The following PCDHA12 variants were observed in gnomAD, a reference collection of about 807,000 sequenced individuals.
The protein encoded by PCDHA12 is protocadherin alpha-12.
A neutral mutation model predicts 60.0 loss-of-function variants in PCDHA12; 44 were observed. That is an observed-to-expected ratio of 0.73 (90% CI 0.58 to 0.94). The LOEUF (loss-of-function observed/expected upper bound fraction) is 0.94, where lower values mean the gene tolerates loss of function less well. PCDHA12 is among the 40% of genes least tolerant of loss of function. PCDHA12 has a pLI of 0.00. For missense variants in PCDHA12, 1,276 were observed against 1,239.7 expected (o/e 1.03, Z -0.44); for synonymous variants, 569 against 553.0 (o/e 1.03, Z -0.40).
In PCDHA12 at chr5:140,894,992, T is replaced by C. The variant is rs78280553; in HGVS notation, c.2367+17153T>C. Among the ~76,000 whole-genome samples, 440 of 152,300 alleles carry C rather than the reference T, an allele frequency of 2.9e-3. 1 individual carries two copies. The highest frequency in any genetic ancestry group is 0.01 in the African/African-American group (421 of 41,556). On this transcript the variant is annotated intron_variant, in intron 1 of 3. Transcript: ENST00000398631. ...TAATGTCTTACTTTGTGACATCCTT[T>C]ACCCTTTTTACTTGGACCTTTTTCC...
At position 140,884,506 on chromosome 5, in the gene PCDHA12, G is replaced by C. The variant is rs10076265; in HGVS notation, c.2367+6667G>C. 4,595 of 1,614,168 alleles carry C rather than the reference G, an allele frequency of 2.8e-3. 101 individuals are homozygous for C. In the African/African-American group the frequency reaches 0.053, roughly 19 times the overall value. On this transcript the variant is annotated intron_variant, in intron 1 of 3. Coordinates refer to ENST00000398631, the MANE Select transcript of PCDHA12 (RefSeq NM_018903.4). Reference sequence around the variant, plus strand: ...CTCTAGTGTGCTCCAGCGCGGCAGGGAGTTGGTCGTACTCGCAGCAGAGGC... The same window carrying C: ...CTCTAGTGTGCTCCAGCGCGGCAGGCAGTTGGTCGTACTCGCAGCAGAGGC...
chr5:140,909,454 C>G (rs1317276726), intron 1 of PCDHA12, among the ~76,000 whole-genome samples: 2 of 152,190 alleles, frequency 1.3e-5, no homozygotes, highest in African/African-American at 4.8e-5. Flanking sequence ...TCTCCAAGAT[C>G]CATCTGTCTT....
At chr5:140,920,329 G>A (rs556077448) in intron 1 of PCDHA12, among the ~76,000 whole-genome samples, 8 of 152,080 alleles carry the variant, frequency 5.3e-5, no homozygotes, top group South Asian at 4.2e-4. Flanking sequence ...TATATTTATG[G>A]CATTTCTTAT....
chr5:140,920,853 A>G (rs375783359), intron 1 of PCDHA12, among the ~76,000 whole-genome samples: 2 of 152,062 alleles, frequency 1.3e-5, no homozygotes, highest in Non-Finnish European at 2.9e-5. Context: ...AAAAAAAAAA[A>G]AAAAACAAAC....
intron 1 of PCDHA12, among the ~76,000 whole-genome samples, chr5:140,973,059 A>G (rs2096570291): frequency 6.6e-6 from 1 of 152,062 alleles, no homozygotes; most frequent in African/African-American, 2.4e-5. Context: ...TTTGTCCAAC[A>G]GTGTCTCAGT....
intron 1 of PCDHA12, among the ~76,000 whole-genome samples, chr5:140,909,217 C>T (rs2074379679): frequency 6.6e-6 from 1 of 152,106 alleles, no homozygotes; most frequent in Non-Finnish European, 1.5e-5. Context: ...GTTGATATAC[C>T]CCTGAGGTAG....
In PCDHA12 at chr5:140,876,419, A is replaced by G. The variant is rs2056334313; in HGVS notation, c.947A>G (p.Tyr316Cys). The change falls in exon 1 of 4, where the codon TAT (tyrosine) becomes TGT (cysteine). Residue 316 changes from tyrosine to cysteine, a missense_variant. Tyr to Cys is a radical substitution (Grantham distance 194). Coordinates refer to ENST00000398631, the MANE Select transcript of PCDHA12 (RefSeq NM_018903.4). Reference sequence around the variant, plus strand: ...CTGGATTTTGAAGAGAATAATGCCTATGAAATTCAGGTTAACGCCATTGAT... The same window carrying G: ...CTGGATTTTGAAGAGAATAATGCCTGTGAAATTCAGGTTAACGCCATTGAT... ...GELDFEENNA[Y>C]EIQVNAIDKG... 2.5e-6 allele frequency: 4 copies of G among 1,613,984 alleles called. No homozygotes were observed. In the East Asian group the frequency reaches 6.7e-5, roughly 27 times the overall value.
At chr5:140,907,179 G>A (rs1257591299) in intron 1 of PCDHA12, among the ~76,000 whole-genome samples, 2 of 152,160 alleles carry the variant, frequency 1.3e-5, no homozygotes, top group Non-Finnish European at 2.9e-5. Flanking sequence ...CTGATTCAGA[G>A]CATACACAAC....
At chr5:140,902,560 G>T (rs558432897) in intron 1 of PCDHA12, among the ~76,000 whole-genome samples, 9 of 152,072 alleles carry the variant, frequency 5.9e-5, no homozygotes, top group Non-Finnish European at 1.2e-4. Flanking sequence ...CCAGATTTTT[G>T]AGGGTTTTTA....
intron 1 of PCDHA12, among the ~76,000 whole-genome samples, chr5:140,897,340 C>A (rs1326802877): frequency 8.1e-6 from 1 of 122,842 alleles, no homozygotes; most frequent in African/African-American, 3.1e-5. Context: ...CCCCTCCCCC[C>A]ACCCCACAAC....
intron 3 of PCDHA12, among the ~76,000 whole-genome samples, chr5:141,007,135 C>G (rs1183279253): frequency 2.6e-5 from 4 of 152,074 alleles, no homozygotes; most frequent in Non-Finnish European, 5.9e-5. Context: ...GATGAGGAGA[C>G]TGACAAAGGA....
At chr5:140,899,980 T>TG (rs1202261789) in intron 1 of PCDHA12, among the ~76,000 whole-genome samples, 49 of 152,074 alleles carry the variant, frequency 3.2e-4, no homozygotes, top group African/African-American at 1.1e-3. Flanking sequence ...GCTACTTTTT[T>TG]GATTTTTTTT....
chr5:140,934,239 T>C (rs2089722399), intron 1 of PCDHA12, among the ~76,000 whole-genome samples: 1 of 152,146 alleles, frequency 6.6e-6, no homozygotes, highest in Non-Finnish European at 1.5e-5. Context: ...TACTTAATTG[T>C]GGAGATTTAT....
intron 1 of PCDHA12, among the ~76,000 whole-genome samples, chr5:140,917,338 G>GGTGGGGGGGGGGGGGGGGGGC (rs2078134893): frequency 7.3e-6 from 1 of 137,894 alleles, no homozygotes; most frequent in Non-Finnish European, 1.6e-5. Flanking sequence ...GGAGGGGGGG[G>GGTGGGGGGGGGGGGGGGGGGC]ATGGTGTAGG....
chr5:141,009,889 G>A lies in PCDHA12; in HGVS notation c.2778G>A (p.Gln926=). ...KKKKKKGNKT[Q]EKKEKGNSTT... is the part of the protein sequence containing the mutation. ...AAAAGAAGAAGGGTAACAAGACCCAGGAGAAAAAAGAGAAAGGGAACAGCA... is the reference window on the plus strand; with the variant it reads ...AAAAGAAGAAGGGTAACAAGACCCAAGAGAAAAAAGAGAAAGGGAACAGCA... Residue 926 remains glutamine, a synonymous_variant, in exon 4 of 4, where the codon CAG becomes CAA. Transcript: ENST00000398631. 6.2e-7 allele frequency: 1 copy of A among 1,612,866 alleles called. No homozygotes were observed. Among genetic ancestry groups the A allele is most frequent in the South Asian group, 1.1e-5 (1 of 90,852 alleles).
chr5:141,008,265 G>C (rs748504708), intron 3 of PCDHA12, among the ~76,000 whole-genome samples: 4 of 152,200 alleles, frequency 2.6e-5, no homozygotes, highest in Admixed American at 6.5e-5. Flanking sequence ...AGACTGAGAA[G>C]TAATAGGAAA....
In PCDHA12 at chr5:141,010,490, A is replaced by C; in HGVS notation, c.*553A>C. 1.6e-6 allele frequency: 1 copy of C among 640,034 alleles called. No individual in the cohort carries two copies. The highest frequency in any genetic ancestry group is 2.4e-6 in the Non-Finnish European group (1 of 411,150). The allele number at this position is 640,034 out of a possible 1,614,324, so 39.6% of individuals were successfully genotyped here. On this transcript the variant is annotated 3_prime_UTR_variant, in exon 4 of 4. Coordinates refer to ENST00000398631, the MANE Select transcript of PCDHA12 (RefSeq NM_018903.4). ...GGAGGGGAAGTGTAAACTTAAAGGG[A>C]CCAGACTTTCTAAATCTTACAACTC...
chr5:140,950,874 G>C (rs1237864508), intron 1 of PCDHA12, among the ~76,000 whole-genome samples: 20 of 151,700 alleles, frequency 1.3e-4, no homozygotes, highest in African/African-American at 4.8e-4. Flanking sequence ...ATTCTATATT[G>C]TTCAATAGGT....
chr5:140,877,155 C>G lies in PCDHA12; in HGVS notation c.1683C>G (p.Asn561Lys), dbSNP rs782559744. Residue 561 changes from asparagine (N) to lysine (K), a missense_variant, in exon 1 of 4, where the codon AAC becomes AAG. Physicochemically the swap from Asn to Lys is moderately conservative, Grantham distance 94 (BLOSUM62 0). Transcript: ENST00000398631. ...TGTTCGTGCTGGACGAGAACGACAA[C>G]GCGCCGGCACTGCTGGCGACTCCGG... ...LQVFVLDEND[N>K]APALLATPAG... 21 of 1,613,680 alleles carry G rather than the reference C, an allele frequency of 1.3e-5. No homozygotes were observed. The highest frequency in any genetic ancestry group is 1.8e-5 in the Non-Finnish European group (21 of 1,179,848).
Sources: allele counts gnomAD v4.1 joint callset (sites outside exome capture counted in the v4.1 genomes callset), GRCh38; gene constraint gnomAD v4.1.1; transcripts MANE v1.5; gene names NCBI Gene and HGNC (gene_info 2026-07-23, HGNC 2026-07-21).